Variants in SNX18 observed in about 807,000 individuals in gnomAD.
SNX18 encodes sorting nexin 18, also known as sorting nexin-18.
A neutral mutation model predicts 48.7 loss-of-function variants in SNX18; 35 were observed. The ratio of observed to expected loss-of-function variants is 0.72; its 90% confidence interval spans 0.55 to 0.95. The LOEUF (loss-of-function observed/expected upper bound fraction) is 0.95, where lower values mean the gene tolerates loss of function less well. SNX18 is among the 40% of genes least tolerant of loss of function. The probability of loss-of-function intolerance (pLI) is 0.00; values close to 1 mark genes in which losing one functional copy is unlikely to be tolerated. For missense variants in SNX18, 824 were observed against 871.0 expected (o/e 0.95, Z 0.68); for synonymous variants, 492 against 384.7 (o/e 1.28, Z -3.26).
chr5:54,598,451 A>G, the SNX18 span, among the ~76,000 whole-genome samples: 2 of 152,234 alleles, frequency 1.3e-5, no homozygotes, highest in Admixed American at 6.5e-5. Context: ...TCAGGCCAAT[A>G]TCCCTGATGA....
At chr5:54,550,977 AACTT>A (rs1437967967), downstream of SNX18, among the ~76,000 whole-genome samples, 1 of 152,138 alleles carries the variant, frequency 6.6e-6, no homozygotes, top group Non-Finnish European at 1.5e-5. Context: ...GCAGGAGAGA[AACTT>A]ACTGTATTCC....
Position 54,519,118 on chromosome 5 carries a change from C to A in SNX18, c.1166C>A (p.Ala389Asp), listed in dbSNP as rs767335549. Residue 389 changes from alanine (A) to aspartate (D), a missense_variant, in exon 1 of 2, where the codon GCC becomes GAC. This residue lies in a region of SNX18 where 443 missense variants were observed against 503.6 expected (regional missense o/e 0.88). Coordinates refer to ENST00000381410, the MANE Select transcript of SNX18 (RefSeq NM_001102575.2). ...LTCPSSTDEKAWKQGKRKAEK... is the reference protein window; with the variant it reads ...LTCPSSTDEKDWKQGKRKAEK... The stretch of plus-strand genomic sequence containing the variant: ...TGCCCCAGCAGCACCGACGAGAAAG[C>A]CTGGAAGCAGGGCAAGAGGAAGGCC... 1.9e-6 allele frequency: 3 copies of A among 1,614,100 alleles called. No individual in the cohort carries two copies. The highest frequency in any genetic ancestry group is 2.5e-6 in the Non-Finnish European group (3 of 1,180,028).
chr5:54,553,155 C>T, the SNX18 span, among the ~76,000 whole-genome samples: 2 of 152,148 alleles, frequency 1.3e-5, no homozygotes, highest in African/African-American at 4.8e-5. Flanking sequence ...ACGGGCTGCT[C>T]TGAGGACTTT....
At chr5:54,623,567 C>T in the SNX18 span, among the ~76,000 whole-genome samples, 1 of 151,966 alleles carries the variant, frequency 6.6e-6, no homozygotes. Context: ...TAACAGGTAC[C>T]ACATTACAGC....
At chr5:54,551,380 C>T (rs1384868582), downstream of SNX18, among the ~76,000 whole-genome samples, 1 of 152,212 alleles carries the variant, frequency 6.6e-6, no homozygotes, top group Non-Finnish European at 1.5e-5. Flanking sequence ...AAATCCTTCT[C>T]CTCCTCCCTT....
chr5:54,519,497 G>T lies in SNX18; in HGVS notation c.1545G>T (p.Leu515=). ...ELFAEQPRQD[L]DPVMDLLALY... ...TCGCGGAGCAGCCCAGGCAGGACCT[G>T]GATCCCGTCATGGACCTATTAGCGC... is the stretch of plus-strand genomic sequence containing the variant. Residue 515 remains leucine, a synonymous_variant, in exon 1 of 2, where the codon CTG becomes CTT. Coordinates refer to ENST00000381410, the MANE Select transcript of SNX18 (RefSeq NM_001102575.2). 6.2e-7 allele frequency: 1 copy of T among 1,614,218 alleles called. No individual in the cohort carries two copies. The highest frequency in any genetic ancestry group is 8.5e-7 in the Non-Finnish European group (1 of 1,180,040).
chr5:54,574,300 C>G, the SNX18 span, among the ~76,000 whole-genome samples: 1 of 152,206 alleles, frequency 6.6e-6, no homozygotes, highest in Non-Finnish European at 1.5e-5. Context: ...AGAGGAGAAT[C>G]TCAAGAAGTA....
Position 54,518,003 on chromosome 5 carries a change from A to G in SNX18, c.51A>G (p.Gly17=), listed in dbSNP as rs1486197904. The part of the protein sequence containing the change: ...ALYDFRSENP[G]EISLREHEVL... Reference sequence around the variant, plus strand: ...ACGACTTCAGGTCGGAGAACCCAGGAGAGATCTCGCTGCGAGAGCACGAGG... The same window carrying G: ...ACGACTTCAGGTCGGAGAACCCAGGGGAGATCTCGCTGCGAGAGCACGAGG... Residue 17 remains glycine (G), a synonymous_variant, in exon 1 of 2, where the codon GGA becomes GGG. Transcript: ENST00000381410. The G allele has an allele frequency of 6.5e-7, 1 of 1,546,240 alleles. No homozygotes were observed. The highest frequency in any genetic ancestry group is 8.7e-7 in the Non-Finnish European group (1 of 1,148,488).
the SNX18 span, chr5:54,645,436 C>T: frequency 1.3e-5 from 2 of 152,206 alleles, no homozygotes; most frequent in South Asian, 2.1e-4. Context: ...GGGGTCTAAG[C>T]CTTCCCTCCT....
chr5:54,526,229 C>G (rs978558513), intron 1 of SNX18, among the ~76,000 whole-genome samples: 6 of 152,070 alleles, frequency 3.9e-5, no homozygotes, highest in African/African-American at 1.4e-4. Flanking sequence ...CTCAGCCGCC[C>G]GAGTAACTGG....
the SNX18 span, among the ~76,000 whole-genome samples, chr5:54,594,365 G>A: frequency 6.6e-6 from 1 of 152,180 alleles, no homozygotes; most frequent in African/African-American, 2.4e-5. Flanking sequence ...TCATGAGACT[G>A]TACCCTTATG....
At chr5:54,535,254 A>C (rs1762330434) in intron 1 of SNX18, among the ~76,000 whole-genome samples, 1 of 152,228 alleles carries the variant, frequency 6.6e-6, no homozygotes, top group South Asian at 2.1e-4. Context: ...GATACAAAGA[A>C]AAAAGGTAGG....
In SNX18 at chr5:54,518,749, G is replaced by T. The variant is rs781715622; in HGVS notation, c.797G>T (p.Gly266Val). The change falls in exon 1 of 2, where the codon GGC becomes GTC. Residue 266 changes from glycine to valine, a missense_variant. Gly to Val is a moderately radical substitution (Grantham distance 109, BLOSUM62 -3). This residue lies in a region of SNX18 where 443 missense variants were observed against 503.6 expected (regional missense o/e 0.88). Coordinates refer to ENST00000381410, the MANE Select transcript of SNX18 (RefSeq NM_001102575.2). ...DKLCVVLGPY[G>V]PEWQENPYPF... ...CTGTGCGTGGTGCTGGGGCCCTATG[G>T]CCCCGAGTGGCAGGAGAACCCCTAC... 6.2e-7 allele frequency: 1 copy of T among 1,606,226 alleles called. No individual in the cohort carries two copies. The highest frequency in any genetic ancestry group is 8.5e-7 in the Non-Finnish European group (1 of 1,175,898).
chr5:54,589,830 T>C, the SNX18 span, among the ~76,000 whole-genome samples: 331 of 152,350 alleles, frequency 2.2e-3, 1 homozygote, highest in African/African-American at 7.5e-3. Context: ...AAGTTTTCTC[T>C]CCACGTCTTT....
intron 1 of SNX18, among the ~76,000 whole-genome samples, chr5:54,522,235 G>T (rs191942418): frequency 1.4e-4 from 21 of 152,306 alleles, no homozygotes; most frequent in African/African-American, 4.6e-4. Context: ...CATAAGCCAG[G>T]ATAAAAGCTT....
chr5:54,611,393 A>G, the SNX18 span, among the ~76,000 whole-genome samples: 1 of 152,000 alleles, frequency 6.6e-6, no homozygotes, highest in African/African-American at 2.4e-5. Flanking sequence ...CTTTGACTCT[A>G]CAGTCAAAAA....
At chr5:54,616,943 G>A in the SNX18 span, among the ~76,000 whole-genome samples, 5 of 152,250 alleles carry the variant, frequency 3.3e-5, no homozygotes, top group African/African-American at 4.8e-5. Context: ...TTGGGGACAG[G>A]GAAGTCTCTC....
Position 54,518,997 on chromosome 5 carries a change from A to C in SNX18, c.1045A>C (p.Ile349Leu). ...CACCGGCCGCTTCGAGGAGGACTTC[A>C]TCTCTAAGCGCAGGAAGGGCCTGAT... ...QATGRFEEDF[I>L]SKRRKGLIWW... The change falls in exon 1 of 2, where the codon ATC becomes CTC. Residue 349 changes from isoleucine to leucine, a missense_variant. Physicochemically the swap from Ile to Leu is conservative, Grantham distance 5 (BLOSUM62 2). Coordinates refer to ENST00000381410, the MANE Select transcript of SNX18 (RefSeq NM_001102575.2). 1 of 1,613,568 alleles carries C rather than the reference A, an allele frequency of 6.2e-7. No homozygotes were observed. Among genetic ancestry groups the C allele is most frequent in the Non-Finnish European group, 8.5e-7 (1 of 1,179,864 alleles).
chr5:54,553,468 T>C, the SNX18 span, among the ~76,000 whole-genome samples: 1 of 152,290 alleles, frequency 6.6e-6, no homozygotes, highest in Admixed American at 6.5e-5. Context: ...ATTCTGTGCG[T>C]CCACAGCAGA....
Sources: allele counts gnomAD v4.1 joint callset (sites outside exome capture counted in the v4.1 genomes callset), GRCh38; gene constraint gnomAD v4.1.1; regional missense constraint gnomAD v4.1.1; transcripts MANE v1.5; gene names NCBI Gene and HGNC (gene_info 2026-07-23, HGNC 2026-07-21).